CCDC175: variants seen among roughly 807,000 people sequenced by gnomAD.
The protein encoded by CCDC175 is coiled-coil domain-containing protein 175.
Under a neutral mutation model 114.6 loss-of-function variants are expected in CCDC175, and 100 were observed. The observed-to-expected ratio is 0.87, with a 90% CI of 0.74 to 1.03. CCDC175 has a LOEUF of 1.03. Ranked by LOEUF, CCDC175 falls within the 50% of genes least tolerant of loss-of-function variation. The pLI, the probability that CCDC175 is intolerant of heterozygous loss-of-function variation, is 0.00. For synonymous variants in CCDC175, 306 were observed against 308.7 expected, an observed-to-expected ratio of 0.99 and a Z score of 0.09; for missense variants, 880 against 917.8, an observed-to-expected ratio of 0.96 and a Z score of 0.53.
chr14:59,553,401 G>A (rs1348791904), intron 7 of CCDC175, among the ~76,000 whole-genome samples: 1 of 152,180 alleles, frequency 6.6e-6, no homozygotes, highest in African/African-American at 2.4e-5. Context: ...ATCCTTTACA[G>A]ACAAGCAAAT....
intron 13 of CCDC175, among the ~76,000 whole-genome samples, chr14:59,537,185 T>G (rs533817546): frequency 6.6e-6 from 1 of 152,332 alleles, no homozygotes; most frequent in East Asian, 1.9e-4. Context: ...AGTATTTTTG[T>G]ATGAAAAATG....
chr14:59,543,631 TTTTC>T (rs1176074362), intron 9 of CCDC175, among the ~76,000 whole-genome samples, 177 bp from the exon 10 acceptor site: 1 of 152,160 alleles, frequency 6.6e-6, no homozygotes, highest in African/African-American at 2.4e-5. Flanking sequence ...ATGCAAAGGA[TTTTC>T]TTTTTTTCAA....
Position 59,545,218 on chromosome 14 carries a change from T to G in CCDC175, c.1117A>C (p.Ile373Leu). The stretch of plus-strand genomic sequence containing the variant: ...GCTTTTTCTTCCTCACTTAAAACAA[T>G]CTTATATTGTCTGGCAAGAGTTTTC... ...KMKTLARQYK[I>L]VLSEEEKAFL... is the part of the protein sequence containing the mutation. Residue 373 changes from isoleucine (I) to leucine (L), a missense_variant, in exon 9 of 20, where the codon ATT becomes CTT. Ile to Leu is a conservative substitution (Grantham distance 5). Transcript: ENST00000537690. The G allele has an allele frequency of 6.5e-7, 1 of 1,536,888 alleles. No individual in the cohort carries two copies. The highest frequency in any genetic ancestry group is 8.7e-7 in the Non-Finnish European group (1 of 1,146,656).
intron 17 of CCDC175, among the ~76,000 whole-genome samples, chr14:59,517,824 A>C (rs1280024246): frequency 1.3e-5 from 2 of 152,314 alleles, no homozygotes; most frequent in African/African-American, 2.4e-5. Flanking sequence ...AAACTACTTT[A>C]AAGTTCATAT....
chr14:59,568,141 T>A, intron 4 of CCDC175, 104 bp downstream of exon 4: 1 of 1,174,880 alleles, frequency 8.5e-7, no homozygotes, highest in Middle Eastern at 2.0e-4. Context: ...ACCTCTCAAC[T>A]CGCCCTGCCA....
chr14:59,537,976 C>A (rs752035810), intron 13 of CCDC175, 47 bp downstream of exon 13: 13 of 1,358,846 alleles, frequency 9.6e-6, no homozygotes, highest in Non-Finnish European at 6.0e-6. Flanking sequence ...CCCCCTCCCC[C>A]TCATGTAGTC....
rs531237830 is a variant in CCDC175, at chr14:59,546,967, T to C, written c.1036-1668A>G. On this transcript the variant is annotated intron_variant, in intron 8 of 19. Transcript: ENST00000537690. ...ATCAAAATCTACTATAGGCCAGGTG[T>C]GGTGGCTCGTGCCTGTAATCCTAGC... Among the ~76,000 whole-genome samples the C allele has an allele frequency of 2.6e-5, 4 of 152,226 alleles. No individual in the cohort carries two copies. In the South Asian group the frequency reaches 8.3e-4, roughly 32 times the overall value.
chr14:59,555,418 C>T (rs1474219832), intron 7 of CCDC175, among the ~76,000 whole-genome samples: 5 of 152,068 alleles, frequency 3.3e-5, no homozygotes, highest in African/African-American at 4.8e-5. Flanking sequence ...CAACAGCCCT[C>T]CAATGCTAAA....
chr14:59,514,140 G>GAC (rs1313752537), intron 17 of CCDC175, among the ~76,000 whole-genome samples: 1 of 152,108 alleles, frequency 6.6e-6, no homozygotes, highest in Non-Finnish European at 1.5e-5. Flanking sequence ...AAACAGAAAG[G>GAC]ACATCCACAC....
In CCDC175 at chr14:59,563,800, T is replaced by C. The variant is rs1299666530; in HGVS notation, c.780A>G (p.Lys260=). ...VKRMETYQKK[K]ELDKLQTKMS... ...TTTTAGTTTGTAATTTATCCAATTCTTTCTTCTTTTGATAAGTCTCCATTC... is the reference window on the plus strand; with the variant it reads ...TTTTAGTTTGTAATTTATCCAATTCCTTCTTCTTTTGATAAGTCTCCATTC... Residue 260 remains lysine (K), a synonymous_variant, in exon 6 of 20, where the codon AAA becomes AAG. Transcript: ENST00000537690. The C allele has an allele frequency of 1.3e-5, 18 of 1,439,342 alleles. No individual in the cohort carries two copies. Among genetic ancestry groups the C allele is most frequent in the Non-Finnish European group, 1.6e-5 (17 of 1,095,262 alleles). The allele number at this position is 1,439,342 out of a possible 1,614,324, so 89.2% of individuals were successfully genotyped here.
At chr14:59,536,670 T>A (rs1894418264) in intron 13 of CCDC175, among the ~76,000 whole-genome samples, 1 of 152,180 alleles carries the variant, frequency 6.6e-6, no homozygotes, top group Non-Finnish European at 1.5e-5. Flanking sequence ...TTTCTGGCCC[T>A]CACCTTCTGA....
intron 8 of CCDC175, among the ~76,000 whole-genome samples, chr14:59,548,414 A>G (rs1595043878): frequency 6.6e-6 from 1 of 152,286 alleles, no homozygotes; most frequent in Middle Eastern, 3.4e-3. Context: ...CATAGTTTCT[A>G]CCCTAGTGAA....
chr14:59,537,618 A>G (rs1220960561), intron 13 of CCDC175, among the ~76,000 whole-genome samples: 1 of 152,012 alleles, frequency 6.6e-6, no homozygotes, highest in Non-Finnish European at 1.5e-5. Flanking sequence ...CCCAGCATCC[A>G]TGCCCTGTTC....
rs930708229 is a variant in CCDC175 at position 59,505,172 on chromosome 14, AAAGT to A, written c.*63_*66del. The A allele has an allele frequency of 1.8e-5, 14 of 762,074 alleles. No homozygotes were observed. Among genetic ancestry groups the A allele is most frequent in the Admixed American group, 1.8e-4 (6 of 32,722 alleles). The allele number at this position is 762,074 out of a possible 1,614,324, so 47.2% of individuals were successfully genotyped here. The stretch of plus-strand genomic sequence containing the variant: ...CTTCTATTAACAGCTGCAAAATATG[AAAGT>A]AAGTGCACTCACTTTTCCTGTAGTA... On this transcript the variant is annotated 3_prime_UTR_variant, in exon 20 of 20. Coordinates refer to ENST00000537690, the MANE Select transcript of CCDC175 (RefSeq NM_001164399.2).
chr14:59,574,656 T>C (rs1378549589), intron 2 of CCDC175, among the ~76,000 whole-genome samples: 6 of 152,222 alleles, frequency 3.9e-5, no homozygotes, highest in Admixed American at 3.3e-4. Flanking sequence ...GGTCCACCTC[T>C]TAACTGAACC....
chr14:59,510,889 A>C (rs1594972534), intron 18 of CCDC175, 81 bp from the exon 19 acceptor site: 1 of 451,064 alleles, frequency 2.2e-6, no homozygotes, highest in Non-Finnish European at 2.9e-6. Context: ...GATCATGTCC[A>C]AAAAAAAATA....
chr14:59,519,332 C>T (rs1175592200), intron 17 of CCDC175, among the ~76,000 whole-genome samples: 1 of 151,840 alleles, frequency 6.6e-6, no homozygotes, highest in Non-Finnish European at 1.5e-5. Context: ...AAAAAAAGTT[C>T]ACTTGAAATG....
intron 8 of CCDC175, among the ~76,000 whole-genome samples, chr14:59,546,502 A>G (rs1595040616): frequency 6.6e-6 from 1 of 152,342 alleles, no homozygotes; most frequent in South Asian, 2.1e-4. Flanking sequence ...GGTGATTGCT[A>G]GGCCTAATTC....
At chr14:59,512,660 C>G (rs372494366) in intron 17 of CCDC175, among the ~76,000 whole-genome samples, 1 of 152,124 alleles carries the variant, frequency 6.6e-6, no homozygotes, top group East Asian at 1.9e-4. Context: ...TACACTACAG[C>G]TGCACAATTT....
Sources: allele counts gnomAD v4.1 joint callset (sites outside exome capture counted in the v4.1 genomes callset), GRCh38; gene constraint gnomAD v4.1.1; transcripts MANE v1.5; gene names NCBI Gene and HGNC (gene_info 2026-07-23, HGNC 2026-07-21).